MSI2: variants seen among roughly 807,000 people sequenced by gnomAD.
MSI2 encodes the protein RNA-binding protein Musashi homolog 2.
Under a neutral mutation model 45.6 loss-of-function variants are expected in MSI2, and 17 were observed. That is an observed-to-expected ratio of 0.37 (90% CI 0.26 to 0.56). The LOEUF is 0.56. MSI2 is among the 20% of genes least tolerant of loss of function. The probability of loss-of-function intolerance (pLI) is 0.77; values close to 1 mark genes in which losing one functional copy is unlikely to be tolerated. For synonymous variants in MSI2, 156 were observed against 158.2 expected (o/e 0.99, Z 0.11); for missense variants, 293 against 444.2 (o/e 0.66, Z 3.06).
chr17:57,539,307 T>C (rs2086990670), intron 7 of MSI2, among the ~76,000 whole-genome samples: 3 of 152,012 alleles, frequency 2.0e-5, no homozygotes, highest in Admixed American at 2.0e-4. Context: ...TACCTATTCA[T>C]TTACTTCTTT....
chr17:57,521,570 C>T (rs944544533), intron 6 of MSI2, among the ~76,000 whole-genome samples: 1 of 152,258 alleles, frequency 6.6e-6, no homozygotes, highest in Middle Eastern at 3.4e-3. Context: ...GCAAGGAGTG[C>T]CTGCTCCTGA....
chr17:57,512,997 AGAG>A (rs2086391137), intron 6 of MSI2, among the ~76,000 whole-genome samples: 1 of 122,616 alleles, frequency 8.2e-6, no homozygotes, highest in African/African-American at 3.0e-5. Context: ...CTTCTGAGAC[AGAG>A]TCTCACTCTG....
At chr17:57,576,878 T>C (rs962219420) in intron 7 of MSI2, among the ~76,000 whole-genome samples, 3 of 151,854 alleles carry the variant, frequency 2.0e-5, no homozygotes, top group Non-Finnish European at 4.4e-5. Context: ...TAGTTGACTG[T>C]TAAGTTTTCT....
At chr17:57,542,665 G>A (rs1688550547) in intron 7 of MSI2, among the ~76,000 whole-genome samples, 1 of 152,154 alleles carries the variant, frequency 6.6e-6, no homozygotes, top group South Asian at 2.1e-4. Context: ...GTCAGGGCTG[G>A]GCACCCCCTG....
downstream of MSI2, among the ~76,000 whole-genome samples, chr17:57,684,971 G>T (rs1913830446): frequency 6.6e-6 from 1 of 152,120 alleles, no homozygotes; most frequent in African/African-American, 2.4e-5. Flanking sequence ...AGTGGACAGG[G>T]AATAAACCCC....
intron 6 of MSI2, among the ~76,000 whole-genome samples, chr17:57,454,920 T>A (rs2085084544): frequency 6.6e-6 from 1 of 152,170 alleles, no homozygotes; most frequent in African/African-American, 2.4e-5. Context: ...GGGCTTCACC[T>A]CATCTTTGCA....
intron 6 of MSI2, among the ~76,000 whole-genome samples, chr17:57,497,037 G>A (rs1466509067): frequency 6.6e-6 from 1 of 152,138 alleles, no homozygotes; most frequent in African/African-American, 2.4e-5. Flanking sequence ...GAGTGCGATG[G>A]TGCAATCTCA....
At chr17:57,468,954 A>G (rs1392493573) in intron 6 of MSI2, among the ~76,000 whole-genome samples, 1 of 152,204 alleles carries the variant, frequency 6.6e-6, no homozygotes, top group Non-Finnish European at 1.5e-5. Flanking sequence ...CCTTGAAAGC[A>G]GAGGCCTTGA....
intron 5 of MSI2, among the ~76,000 whole-genome samples, chr17:57,345,040 G>C (rs1033888234): frequency 2.6e-5 from 4 of 152,064 alleles, no homozygotes; most frequent in Non-Finnish European, 5.9e-5. Flanking sequence ...TCCAGCCTGG[G>C]CGACAGGGCG....
Position 57,477,371 on chromosome 17 carries a change from G to C in MSI2, c.406-52305G>C, listed in dbSNP as rs10515143. Among the ~76,000 whole-genome samples, 809 of 152,278 alleles carry C rather than the reference G, an allele frequency of 5.3e-3. 18 individuals are homozygous for C. The highest frequency in any genetic ancestry group is 0.04 in the Admixed American group (606 of 15,292). ...CCAAAAGCCGACTGCCAATGAGCCT[G>C]GCTGCTCGAAACCCTTGACACTGCT... On this transcript the variant is annotated intron_variant, in intron 6 of 13. Coordinates refer to ENST00000284073, the MANE Select transcript of MSI2 (RefSeq NM_138962.4).
chr17:57,665,156 C>T (rs922717231), intron 11 of MSI2, among the ~76,000 whole-genome samples: 1 of 152,166 alleles, frequency 6.6e-6, no homozygotes, highest in Non-Finnish European at 1.5e-5. Flanking sequence ...ATTAGTCTTC[C>T]CAGCAGGGTC....
intron 5 of MSI2, among the ~76,000 whole-genome samples, chr17:57,360,071 G>A (rs917208566): frequency 6.6e-6 from 1 of 152,216 alleles, no homozygotes; most frequent in African/African-American, 2.4e-5. Flanking sequence ...GTGTGGTGAG[G>A]GAGTGGCTGC....
chr17:57,359,326 T>G (rs2143890418), intron 5 of MSI2, among the ~76,000 whole-genome samples: 1 of 152,342 alleles, frequency 6.6e-6, no homozygotes, highest in South Asian at 2.1e-4. Context: ...GCTTTAATAT[T>G]ATTGAATTCA....
intron 6 of MSI2, among the ~76,000 whole-genome samples, chr17:57,487,909 C>G (rs1168244349): frequency 6.6e-6 from 1 of 151,840 alleles, no homozygotes; most frequent in South Asian, 2.1e-4. Flanking sequence ...CTTGGTGCCC[C>G]CTCTGTGCAC....
rs190478212 is a variant in MSI2, at chr17:57,347,822, T to C, written c.313-53557T>C. ...CATTTCAGCGATCCTTCAGTCTTTT[T>C]CAGGACATTGGGTTTCCACGTATCT... is the stretch of plus-strand genomic sequence containing the variant. On this transcript the variant is annotated intron_variant, in intron 5 of 13. Transcript: ENST00000284073. 2.6e-5 allele frequency among the ~76,000 whole-genome samples: 4 copies of C among 152,358 alleles called. No individual in the cohort carries two copies. The East Asian group carries it at 7.7e-4, about 29-fold the overall frequency.
At chr17:57,689,414 G>A (rs1167819727), downstream of MSI2, among the ~76,000 whole-genome samples, 1 of 152,204 alleles carries the variant, frequency 6.6e-6, no homozygotes, top group Non-Finnish European at 1.5e-5. Flanking sequence ...TCAGGAAGCT[G>A]CAGGGACAGT....
At chr17:57,481,955 T>C (rs138772374) in intron 6 of MSI2, among the ~76,000 whole-genome samples, 30 of 152,338 alleles carry the variant, frequency 2.0e-4, no homozygotes, top group Middle Eastern at 3.4e-3. Flanking sequence ...CATTTAACAG[T>C]TCACTCTTTG....
At chr17:57,283,417 CA>C (rs1909596625) in intron 5 of MSI2, among the ~76,000 whole-genome samples, 1 of 152,116 alleles carries the variant, frequency 6.6e-6, no homozygotes. Flanking sequence ...CCTCCAACTT[CA>C]GGGGGGCTTG....
At chr17:57,559,243 G>A (rs550755942) in intron 7 of MSI2, among the ~76,000 whole-genome samples, 8 of 152,238 alleles carry the variant, frequency 5.3e-5, no homozygotes, top group South Asian at 2.1e-4. Flanking sequence ...GCTAAAACAC[G>A]CCCATGTGAG....
Sources: allele counts gnomAD v4.1 joint callset (sites outside exome capture counted in the v4.1 genomes callset), GRCh38; gene constraint gnomAD v4.1.1; transcripts MANE v1.5; gene names NCBI Gene and HGNC (gene_info 2026-07-23, HGNC 2026-07-21).